The following KCTD3 variants were observed in gnomAD, a reference collection of about 807,000 sequenced individuals.
KCTD3 encodes the protein BTB/POZ domain-containing protein KCTD3.
KCTD3 carries 41 observed loss-of-function variants against 85.8 expected under a neutral mutation model. That is an observed-to-expected ratio of 0.48 (90% CI 0.37 to 0.62). The LOEUF (loss-of-function observed/expected upper bound fraction) is 0.62, where lower values mean the gene tolerates loss of function less well. Among genes scored for constraint, KCTD3 ranks in the 20% least tolerant of loss-of-function variants. The probability of loss-of-function intolerance (pLI) is 0.00; values close to 1 mark genes in which losing one functional copy is unlikely to be tolerated. For synonymous variants in KCTD3, 338 were observed against 345.4 expected (o/e 0.98, Z 0.24); for missense variants, 724 against 989.9 (o/e 0.73, Z 3.60).
intron 8 of KCTD3, among the ~76,000 whole-genome samples, chr1:215,582,582 GAC>G (rs1659865225): frequency 6.6e-6 from 1 of 152,066 alleles, no homozygotes; most frequent in Non-Finnish European, 1.5e-5. Flanking sequence ...GAGATTTTGA[GAC>G]AGAGTCTTGC....
chr1:215,592,697 T>G (rs1660270205), intron 9 of KCTD3, among the ~76,000 whole-genome samples: 1 of 152,242 alleles, frequency 6.6e-6, no homozygotes, highest in Non-Finnish European at 1.5e-5. Context: ...CCATTTGTTG[T>G]TAACAAATAT....
At chr1:215,576,799 A>G (rs1571872586) in intron 4 of KCTD3, among the ~76,000 whole-genome samples, 1 of 151,234 alleles carries the variant, frequency 6.6e-6, no homozygotes, top group African/African-American at 2.4e-5. Context: ...CCATCTCCTC[A>G]CCTCGTAATC....
At position 215,620,057 on chromosome 1, in the gene KCTD3, C is replaced by A; in HGVS notation, c.1887C>A (p.Ser629Arg). 1 of 1,562,184 alleles carries A rather than the reference C, an allele frequency of 6.4e-7. No homozygotes were observed. The highest frequency in any genetic ancestry group is 8.6e-7 in the Non-Finnish European group (1 of 1,159,944). The stretch of plus-strand genomic sequence containing the variant: ...GTCATTTTTAAAAACTGTATTTCAG[C>A]CTTCAGCTTCAGCACCATGATACCA... ...QHSHLRESNS[S>R]LQLQHHDTTH... is the part of the protein sequence containing the mutation. The change falls in exon 18 of 18, where the codon AGC (serine) becomes AGA (arginine). Residue 629 changes from serine to arginine, a missense_variant and splice_region_variant. Coordinates refer to ENST00000259154, the MANE Select transcript of KCTD3 (RefSeq NM_016121.5).
Position 215,608,015 on chromosome 1 carries a change from A to G in KCTD3, c.1310-2A>G. The stretch of plus-strand genomic sequence containing the variant: ...TTCTTTTGTGTTCTCTTTCTCTGCT[A>G]GTCTGTGCAGATAATAATCATGTCC... On this transcript the variant is annotated splice_acceptor_variant, in intron 13 of 17. Coordinates refer to ENST00000259154, the MANE Select transcript of KCTD3 (RefSeq NM_016121.5). LOFTEE classifies it high-confidence loss of function. 1 of 1,596,608 alleles carries G rather than the reference A, an allele frequency of 6.3e-7. No homozygotes were observed. Among genetic ancestry groups the G allele is most frequent in the South Asian group, 1.1e-5 (1 of 87,438 alleles).
Position 215,574,119 on chromosome 1 carries a change from G to GT in KCTD3, c.183+2dup. Reference sequence around the variant, plus strand: ...AACACTTCGAGATGAAACTGGTGCTGTGAGTATAATAATAATTGATACATA... The same window carrying GT: ...AACACTTCGAGATGAAACTGGTGCTGTTGAGTATAATAATAATTGATACATA... On this transcript the variant is annotated splice_donor_variant, in intron 3 of 17. Coordinates refer to ENST00000259154, the MANE Select transcript of KCTD3 (RefSeq NM_016121.5). LOFTEE classifies it high-confidence loss of function. 1 of 1,566,818 alleles carries GT rather than the reference G, an allele frequency of 6.4e-7. No homozygotes were observed. The highest frequency in any genetic ancestry group is 8.7e-7 in the Non-Finnish European group (1 of 1,144,062).
rs761859136 is a variant in KCTD3, at chr1:215,602,220, A to G, written c.1138+19A>G. On this transcript the variant is annotated intron_variant, in intron 12 of 17. Transcript: ENST00000259154. ...AAAACAAGTTAGTACATGGCCAATT[A>G]TATACATTCTTGACTTTTTATCTTT... 6 of 1,175,898 alleles carry G rather than the reference A, an allele frequency of 5.1e-6. No homozygotes were observed. The African/African-American group carries it at 7.7e-5, about 15-fold the overall frequency. The allele number at this position is 1,175,898 out of a possible 1,614,324, so 72.8% of individuals were successfully genotyped here.
At position 215,573,829 on chromosome 1, in the gene KCTD3, T is replaced by C; in HGVS notation, c.127T>C (p.Phe43Leu). 2 of 1,566,688 alleles carry C rather than the reference T, an allele frequency of 1.3e-6. No individual in the cohort carries two copies. The highest frequency in any genetic ancestry group is 1.4e-5 in the African/African-American group (1 of 73,964). ...RQTLMWIPDS[F>L]FSSLLSGRIS... The stretch of plus-strand genomic sequence containing the variant: ...AACTCTTATGTGGATTCCAGATTCT[T>C]TTTTTTCCAGGTATGTCTTATAATT... Residue 43 changes from phenylalanine (F) to leucine (L), a missense_variant, in exon 2 of 18, where the codon TTT (phenylalanine) becomes CTT (leucine). Physicochemically the swap from Phe to Leu is conservative, Grantham distance 22. Coordinates refer to ENST00000259154, the MANE Select transcript of KCTD3 (RefSeq NM_016121.5).
Position 215,618,904 on chromosome 1 carries a change from T to A in KCTD3, c.1581T>A (p.Ala527=), listed in dbSNP as rs920238360. The A allele has an allele frequency of 1.9e-6, 3 of 1,608,216 alleles. No individual in the cohort carries two copies. The highest frequency in any genetic ancestry group is 2.7e-5 in the African/African-American group (2 of 74,788). Residue 527 remains alanine (A), a synonymous_variant, in exon 16 of 18, where the codon GCT becomes GCA. Coordinates refer to ENST00000259154, the MANE Select transcript of KCTD3 (RefSeq NM_016121.5). ...STGKRICEIQ[A]VDCTTISSFT... ...TTTGCAGAATATGTGAGATCCAGGC[T>A]GTTGACTGTACTACAATATCCTCAT...
At chr1:215,568,043 C>G (rs1314389735) in intron 1 of KCTD3, among the ~76,000 whole-genome samples, 1 of 152,180 alleles carries the variant, frequency 6.6e-6, no homozygotes, top group African/African-American at 2.4e-5. Flanking sequence ...CAACCTTTGC[C>G]CCTCCCAACA....
Position 215,578,072 on chromosome 1 carries a change from C to A in KCTD3, c.388C>A (p.Pro130Thr). ...CAGTGTCCTTTTTCATGGTTACTTGCCCCCACCAGGTATTTTCACTTTATT... is the reference window on the plus strand; with the variant it reads ...CAGTGTCCTTTTTCATGGTTACTTGACCCCACCAGGTATTTTCACTTTATT... ...CGSVLFHGYLPPPGIPSRKIN... is the reference protein window; with the variant it reads ...CGSVLFHGYLTPPGIPSRKIN... The change falls in exon 6 of 18, where the codon CCC (proline) becomes ACC (threonine). Residue 130 changes from proline to threonine, a missense_variant. Pro to Thr is a conservative substitution (Grantham distance 38). Coordinates refer to ENST00000259154, the MANE Select transcript of KCTD3 (RefSeq NM_016121.5). 6.2e-7 allele frequency: 1 copy of A among 1,610,082 alleles called. No homozygotes were observed. The highest frequency in any genetic ancestry group is 8.5e-7 in the Non-Finnish European group (1 of 1,177,600).
At position 215,575,403 on chromosome 1, in the gene KCTD3, G is replaced by T. The variant is rs561760564; in HGVS notation, c.184-498G>T. The stretch of plus-strand genomic sequence containing the variant: ...CTGAAGGAAATTGAGATTAGTAAAA[G>T]TATTATGAGAATAGTATTCTTTTCC... On this transcript the variant is annotated intron_variant, in intron 3 of 17. Coordinates refer to ENST00000259154, the MANE Select transcript of KCTD3 (RefSeq NM_016121.5). Among the ~76,000 whole-genome samples the T allele has an allele frequency of 9.3e-4, 142 of 152,100 alleles. 1 individual carries two copies. Among genetic ancestry groups the T allele is most frequent in the South Asian group, 3.1e-3 (15 of 4,816 alleles).
intron 9 of KCTD3, among the ~76,000 whole-genome samples, chr1:215,593,868 T>C (rs979321980): frequency 6.7e-6 from 1 of 150,318 alleles, no homozygotes; most frequent in Admixed American, 6.6e-5. Context: ...TTTTTTTTTT[T>C]TTTTTTTTTT....
rs764738821 is a variant in KCTD3, at chr1:215,586,663, T to C, written c.795T>C (p.Asp265=). Residue 265 remains aspartate (D), a synonymous_variant, in exon 9 of 18, where the codon GAT becomes GAC. Transcript: ENST00000259154. ...ESSIILWSVQ[D]GGSGSEIGVF... ...GCATCATCTTGTGGAGTGTTCAGGA[T>C]GGGGGAAGTGGAAGTGAAATTGGTA... is the stretch of plus-strand genomic sequence containing the variant. 3 of 1,610,256 alleles carry C rather than the reference T, an allele frequency of 1.9e-6. No individual in the cohort carries two copies. The highest frequency in any genetic ancestry group is 1.7e-6 in the Non-Finnish European group (2 of 1,178,050).
intron 10 of KCTD3, among the ~76,000 whole-genome samples, chr1:215,596,675 A>C (rs1346837753): frequency 6.6e-6 from 1 of 152,206 alleles, no homozygotes; most frequent in African/African-American, 2.4e-5. Context: ...AGAGACAGCA[A>C]ATTCAAATAC....
intron 8 of KCTD3, among the ~76,000 whole-genome samples, chr1:215,582,453 C>A (rs1406981437): frequency 6.6e-6 from 1 of 152,150 alleles, no homozygotes; most frequent in Admixed American, 6.5e-5. Context: ...GCTGTCTTAA[C>A]CAGAGGGTTG....
intron 9 of KCTD3, among the ~76,000 whole-genome samples, chr1:215,590,194 T>C (rs1047686331): frequency 4.6e-5 from 7 of 152,212 alleles, no homozygotes; most frequent in African/African-American, 1.2e-4. Flanking sequence ...ATTAATAATA[T>C]TAAGCATCGT....
chr1:215,577,938 A>G (rs1659652997), intron 5 of KCTD3, 63 bp from the exon 6 acceptor site: 2 of 1,572,752 alleles, frequency 1.3e-6, no homozygotes, highest in Non-Finnish European at 1.7e-6. Flanking sequence ...GAGAAAATAA[A>G]AATGGAGTAC....
intron 15 of KCTD3, chr1:215,618,392 A>ATT (rs370026945): frequency 6.2e-6 from 1 of 162,178 alleles, no homozygotes; most frequent in South Asian, 1.7e-4. Flanking sequence ...TGTGGATTGT[A>ATT]TTTTTTTTTG....
At chr1:215,615,410 G>A (rs1264377384) in intron 15 of KCTD3, among the ~76,000 whole-genome samples, 1 of 151,990 alleles carries the variant, frequency 6.6e-6, no homozygotes, top group Non-Finnish European at 1.5e-5. Flanking sequence ...CACAAGGTCA[G>A]GAGATTGAGA....
Sources: allele counts gnomAD v4.1 joint callset (sites outside exome capture counted in the v4.1 genomes callset), GRCh38; gene constraint gnomAD v4.1.1; transcripts MANE v1.5; gene names NCBI Gene and HGNC (gene_info 2026-07-23, HGNC 2026-07-21).